FSTL5: variants seen among roughly 807,000 people sequenced by gnomAD.
FSTL5 encodes follistatin like 5.
A neutral mutation model predicts 89.1 loss-of-function variants in FSTL5; 62 were observed. The observed-to-expected ratio is 0.70, with a 90% CI of 0.57 to 0.86. The LOEUF is 0.86. FSTL5 is among the 40% of genes least tolerant of loss of function. The probability of loss-of-function intolerance (pLI) is 0.00; values close to 1 mark genes in which losing one functional copy is unlikely to be tolerated. For synonymous variants in FSTL5, 383 were observed against 346.2 expected (o/e 1.11, Z -1.18); for missense variants, 1,057 against 1,001.6 (o/e 1.06, Z -0.75).
intron 12 of FSTL5, among the ~76,000 whole-genome samples, chr4:161,485,645 A>T (rs77917444): frequency 0.024 from 3,630 of 152,338 alleles, 157 homozygotes; most frequent in African/African-American, 0.082. Context: ...ACAAAAGTTT[A>T]AAAAAACTGA....
At chr4:161,622,031 T>C (rs535709939) in intron 7 of FSTL5, among the ~76,000 whole-genome samples, 68 of 151,800 alleles carry the variant, frequency 4.5e-4, no homozygotes, top group Non-Finnish European at 5.7e-4. Context: ...AAAATACTAG[T>C]ATTAGAATTG....
chr4:161,905,154 GA>G (rs1344901749), intron 4 of FSTL5, among the ~76,000 whole-genome samples: 1 of 151,788 alleles, frequency 6.6e-6, no homozygotes, highest in Non-Finnish European at 1.5e-5. Context: ...ATTAAATTAG[GA>G]AAAATTCTCA....
intron 15 of FSTL5, among the ~76,000 whole-genome samples, chr4:161,445,163 G>A (rs957769578): frequency 4.6e-5 from 7 of 151,874 alleles, no homozygotes; most frequent in Non-Finnish European, 8.8e-5. Context: ...ATAGAGAAAC[G>A]CTTTCAATGA....
At chr4:161,840,768 A>G (rs1207701290) in intron 4 of FSTL5, among the ~76,000 whole-genome samples, 1 of 152,152 alleles carries the variant, frequency 6.6e-6, no homozygotes, top group Admixed American at 6.6e-5. Context: ...TTATCCCCCA[A>G]GTTGGGGCCT....
chr4:161,659,381 T>C (rs1276341822), intron 6 of FSTL5, among the ~76,000 whole-genome samples: 1 of 152,172 alleles, frequency 6.6e-6, no homozygotes, highest in Admixed American at 6.6e-5. Flanking sequence ...CAAATGGGCT[T>C]TTCCTGAAAT....
At chr4:161,963,098 A>G (rs2110985834) in intron 3 of FSTL5, among the ~76,000 whole-genome samples, 1 of 152,062 alleles carries the variant, frequency 6.6e-6, no homozygotes, top group East Asian at 1.9e-4. Context: ...AAATTTAAAT[A>G]AAATATGTAA....
chr4:161,693,438 A>AAAGC (rs1435822411), intron 6 of FSTL5, among the ~76,000 whole-genome samples: 1 of 152,076 alleles, frequency 6.6e-6, no homozygotes, highest in Non-Finnish European at 1.5e-5. Context: ...TCCAACAATG[A>AAAGC]AAGCATCTGG....
intron 7 of FSTL5, among the ~76,000 whole-genome samples, chr4:161,647,557 C>T (rs555018736): frequency 9.9e-4 from 148 of 149,634 alleles, no homozygotes; most frequent in African/African-American, 2.9e-3. Context: ...AAGGATTAAA[C>T]TGGTTCTGTA....
chr4:161,992,857 AAAAAATATATATATAT>A (rs1560957237), intron 3 of FSTL5, among the ~76,000 whole-genome samples: 11 of 12,802 alleles, frequency 8.6e-4, no homozygotes, highest in African/African-American at 3.1e-3. Context: ...CAAAAAAAAA[AAAAAATATATATATAT>A]ATATATATAT....
At chr4:161,819,329 TCAA>T (rs1229610685) in intron 4 of FSTL5, among the ~76,000 whole-genome samples, 1 of 152,140 alleles carries the variant, frequency 6.6e-6, no homozygotes, top group Non-Finnish European at 1.5e-5. Context: ...AATAACTGAC[TCAA>T]CAAACAGAAG....
intron 12 of FSTL5, among the ~76,000 whole-genome samples, chr4:161,489,181 G>A (rs1289346996): frequency 2.6e-5 from 4 of 152,072 alleles, no homozygotes; most frequent in African/African-American, 9.7e-5. Flanking sequence ...AATTCTAGAT[G>A]CTTCTTGAAT....
At chr4:162,008,708 T>C (rs1736679502) in intron 3 of FSTL5, among the ~76,000 whole-genome samples, 2 of 151,926 alleles carry the variant, frequency 1.3e-5, no homozygotes, top group Admixed American at 1.3e-4. Context: ...ATGAACTAGA[T>C]AAAAAACTGC....
chr4:161,590,364 C>A (rs971026347), intron 7 of FSTL5, among the ~76,000 whole-genome samples: 3 of 152,054 alleles, frequency 2.0e-5, no homozygotes, highest in Non-Finnish European at 4.4e-5. Context: ...CATGAGGAAA[C>A]CCCGTCTCTA....
chr4:161,938,443 T>C (rs957667751), intron 3 of FSTL5, among the ~76,000 whole-genome samples: 17 of 152,084 alleles, frequency 1.1e-4, no homozygotes, highest in Admixed American at 1.1e-3. Context: ...TATAAACATA[T>C]AGGTAGATAT....
intron 3 of FSTL5, among the ~76,000 whole-genome samples, chr4:161,960,048 T>C (rs1456867322): frequency 6.6e-6 from 1 of 152,116 alleles, no homozygotes; most frequent in East Asian, 1.9e-4. Context: ...TACAATGTTA[T>C]TAAATAAAAA....
At chr4:162,031,010 T>A (rs1737499898) in intron 3 of FSTL5, among the ~76,000 whole-genome samples, 1 of 152,204 alleles carries the variant, frequency 6.6e-6, no homozygotes, top group Non-Finnish European at 1.5e-5. Flanking sequence ...TTTAACATGT[T>A]TTATCTGTTG....
At chr4:161,852,692 T>C (rs889545833) in intron 4 of FSTL5, among the ~76,000 whole-genome samples, 2 of 152,164 alleles carry the variant, frequency 1.3e-5, no homozygotes, top group Non-Finnish European at 2.9e-5. Flanking sequence ...TTCACAATAG[T>C]AAAGACATGT....
intron 1 of FSTL5, among the ~76,000 whole-genome samples, chr4:162,146,067 C>A: frequency 1.3e-5 from 2 of 151,848 alleles, no homozygotes; most frequent in South Asian, 2.1e-4. Flanking sequence ...CTAAAAGATT[C>A]CTGTTTTGAT....
chr4:161,967,278 A>G (rs2111001838), intron 3 of FSTL5, among the ~76,000 whole-genome samples: 1 of 152,180 alleles, frequency 6.6e-6, no homozygotes, highest in South Asian at 2.1e-4. Flanking sequence ...CACTTTACAA[A>G]ATTTTCTTTG....
Sources: allele counts gnomAD v4.1 joint callset (sites outside exome capture counted in the v4.1 genomes callset), GRCh38; gene constraint gnomAD v4.1.1; transcripts MANE v1.5; gene names NCBI Gene and HGNC (gene_info 2026-07-23, HGNC 2026-07-21).